The following SEPTIN9 variants were observed in gnomAD, a reference collection of about 807,000 sequenced individuals.
SEPTIN9 encodes septin 9, also known as septin-9.
A neutral mutation model predicts 56.6 loss-of-function variants in SEPTIN9; 13 were observed. The observed-to-expected ratio is 0.23, with a 90% CI of 0.15 to 0.37. SEPTIN9 has a LOEUF of 0.37. SEPTIN9 is among the 10% of genes least tolerant of loss of function. The probability of loss-of-function intolerance (pLI) is 1.00; values close to 1 mark genes in which losing one functional copy is unlikely to be tolerated. For missense variants in SEPTIN9, 650 were observed against 823.1 expected (o/e 0.79, Z 2.57); for synonymous variants, 332 against 334.1 (o/e 0.99, Z 0.07).
At chr17:77,332,936 T>C (rs192704783) in intron 2 of SEPTIN9, among the ~76,000 whole-genome samples, 1 of 152,362 alleles carries the variant, frequency 6.6e-6, no homozygotes, top group African/African-American at 2.4e-5. Context: ...CTGGTTCTTC[T>C]TGTACAAGTT....
intron 2 of SEPTIN9, among the ~76,000 whole-genome samples, chr17:77,372,559 A>G (rs1053706914): frequency 6.6e-6 from 1 of 152,190 alleles, no homozygotes; most frequent in African/African-American, 2.4e-5. Flanking sequence ...GCTCCTGACA[A>G]GGTCTACTTC....
intron 3 of SEPTIN9, among the ~76,000 whole-genome samples, chr17:77,444,279 G>C (rs2037654574): frequency 6.6e-6 from 1 of 152,234 alleles, no homozygotes; most frequent in South Asian, 2.1e-4. Context: ...TAAAGCGGGA[G>C]GGGTCCTCCA....
chr17:77,352,405 T>TCAAAAACAAAAACAAAAAAAAAA (rs1568009031), intron 2 of SEPTIN9, among the ~76,000 whole-genome samples: 5 of 147,432 alleles, frequency 3.4e-5, no homozygotes, highest in Non-Finnish European at 7.5e-5. Flanking sequence ...AGACTCCGTC[T>TCAAAAACAAAAACAAAAAAAAAA]CAAAAACAAA....
intron 3 of SEPTIN9, among the ~76,000 whole-genome samples, chr17:77,439,698 A>C (rs1415266187): frequency 6.6e-6 from 1 of 152,102 alleles, no homozygotes; most frequent in Non-Finnish European, 1.5e-5. Flanking sequence ...GCTTCATGGC[A>C]CTTTATGACC....
intron 2 of SEPTIN9, among the ~76,000 whole-genome samples, chr17:77,383,603 C>G (rs928096579): frequency 6.6e-6 from 1 of 152,190 alleles, no homozygotes; most frequent in African/African-American, 2.4e-5. Context: ...TGCCTCTGCC[C>G]CACTTCAGCC....
At chr17:77,361,341 G>A (rs1257006977) in intron 2 of SEPTIN9, among the ~76,000 whole-genome samples, 2 of 151,376 alleles carry the variant, frequency 1.3e-5, no homozygotes, top group African/African-American at 2.4e-5. Flanking sequence ...TCTCTGTCTG[G>A]GTGACCATCT....
chr17:77,295,784 C>T (rs1393899662), intron 1 of SEPTIN9, among the ~76,000 whole-genome samples: 2 of 151,694 alleles, frequency 1.3e-5, no homozygotes, highest in Non-Finnish European at 2.9e-5. Context: ...CAGCTGCCCC[C>T]ACCGCCCCCC....
chr17:77,297,388 T>G (rs1452296033), intron 1 of SEPTIN9, among the ~76,000 whole-genome samples: 1 of 152,146 alleles, frequency 6.6e-6, no homozygotes, highest in Admixed American at 6.5e-5. Flanking sequence ...GTGTCATCCA[T>G]ATTGAGGGAG....
intron 2 of SEPTIN9, among the ~76,000 whole-genome samples, chr17:77,368,343 G>C (rs1030120594): frequency 2.7e-5 from 4 of 148,832 alleles, no homozygotes; most frequent in African/African-American, 9.9e-5. Flanking sequence ...ACGGAGTCTC[G>C]CTCTGTCGCC....
In SEPTIN9 at chr17:77,402,837, A is replaced by C. The variant is rs2035950469; in HGVS notation, c.721+134A>C. The C allele has an allele frequency of 2.2e-5, 19 of 857,206 alleles. No homozygotes were observed. The highest frequency in any genetic ancestry group is 2.8e-5 in the Non-Finnish European group (16 of 575,094). The allele number at this position is 857,206 out of a possible 1,614,324, so 53.1% of individuals were successfully genotyped here. On this transcript the variant is annotated intron_variant, in intron 3 of 11. Coordinates refer to ENST00000427177, the MANE Select transcript of SEPTIN9 (RefSeq NM_001113491.2). This position sits in a 1 kb window ranked among gnomAD's most constrained non-coding sequence, Gnocchi z 6.6. ...ACCCTGGAGACCCAGAAAGACCGGAATGCATGGGGGTGGGGGTCTGCAAGC... is the reference window on the plus strand; with the variant it reads ...ACCCTGGAGACCCAGAAAGACCGGACTGCATGGGGGTGGGGGTCTGCAAGC...
At chr17:77,442,586 T>C (rs1199765287) in intron 3 of SEPTIN9, among the ~76,000 whole-genome samples, 3 of 150,470 alleles carry the variant, frequency 2.0e-5, no homozygotes, top group Non-Finnish European at 3.0e-5. Flanking sequence ...AAAGCACATA[T>C]TATGGGCCGG....
At chr17:77,335,088 C>A (rs1046068909) in intron 2 of SEPTIN9, among the ~76,000 whole-genome samples, 4 of 142,536 alleles carry the variant, frequency 2.8e-5, no homozygotes, top group Non-Finnish European at 6.1e-5. Flanking sequence ...ACATATCAGC[C>A]CTATATTGAC....
intron 2 of SEPTIN9, among the ~76,000 whole-genome samples, chr17:77,397,314 C>T (rs963322014): frequency 4.6e-5 from 7 of 152,168 alleles, no homozygotes; most frequent in East Asian, 3.8e-4. Context: ...GCTCTCATCA[C>T]GTAGCCCTCC....
chr17:77,423,694 G>C lies in SEPTIN9; in HGVS notation c.721+20991G>C, dbSNP rs58223092. Among the ~76,000 whole-genome samples, 447 of 152,360 alleles carry C rather than the reference G, an allele frequency of 2.9e-3. 1 individual carries two copies. The highest frequency in any genetic ancestry group is 9.9e-3 in the African/African-American group (411 of 41,592). On this transcript the variant is annotated intron_variant, in intron 3 of 11. Transcript: ENST00000427177. Reference sequence around the variant, plus strand: ...CGCTGAGCAATCCTCCACTGCCCCCGTCGCGTTCCTGCTGCAGGGAAGCCT... The same window carrying C: ...CGCTGAGCAATCCTCCACTGCCCCCCTCGCGTTCCTGCTGCAGGGAAGCCT...
chr17:77,322,170 G>A (rs2032962489), intron 2 of SEPTIN9, among the ~76,000 whole-genome samples: 2 of 152,356 alleles, frequency 1.3e-5, no homozygotes, highest in African/African-American at 4.8e-5. Flanking sequence ...TGAGAGCTGA[G>A]CAGAGAGGCG....
chr17:77,335,429 T>C (rs1419495671), intron 2 of SEPTIN9, among the ~76,000 whole-genome samples: 6 of 150,914 alleles, frequency 4.0e-5, no homozygotes, highest in African/African-American at 1.5e-4. Flanking sequence ...CATATATACA[T>C]GTAGGCCCCA....
intron 3 of SEPTIN9, among the ~76,000 whole-genome samples, chr17:77,473,719 G>C (rs566844475): frequency 1.3e-5 from 2 of 152,282 alleles, no homozygotes; most frequent in East Asian, 3.9e-4. Context: ...GGAAGTCTCG[G>C]CTAATAAACA....
chr17:77,494,085 T>TCTTGTCTTTGGACAAGGATG lies in SEPTIN9; in HGVS notation c.1573+1011_1573+1030dup, dbSNP rs545050116. Among the ~76,000 whole-genome samples, 686 of 152,306 alleles carry TCTTGTCTTTGGACAAGGATG rather than the reference T, an allele frequency of 4.5e-3. 2 individuals are homozygous for TCTTGTCTTTGGACAAGGATG. The highest frequency in any genetic ancestry group is 0.015 in the African/African-American group (630 of 41,568). ...AGCCACCGAGCCTGCCCTCTTTCCTTCTTGTCTTTGGACAAGGATGCCTGT... is the reference window on the plus strand; with the variant it reads ...AGCCACCGAGCCTGCCCTCTTTCCTTCTTGTCTTTGGACAAGGATGCTTGTCTTTGGACAAGGATGCCTGT... On this transcript the variant is annotated intron_variant, in intron 10 of 11. Coordinates refer to ENST00000427177, the MANE Select transcript of SEPTIN9 (RefSeq NM_001113491.2).
rs778696906 is a variant in SEPTIN9 at position 77,402,505 on chromosome 17, G to A, written c.523G>A (p.Val175Met). The stretch of plus-strand genomic sequence containing the variant: ...GCCCCCTGCCTCCAAGGTCCCCGAG[G>A]TGCCCACTGCCCCTGCCACCGACGC... ...MEPPASKVPE[V>M]PTAPATDAAP... is the part of the protein sequence containing the mutation. The change falls in exon 3 of 12, where the codon GTG (valine) becomes ATG (methionine). Residue 175 changes from valine (V) to methionine (M), a missense_variant. Transcript: ENST00000427177. This position sits in a 1 kb window ranked among gnomAD's most constrained non-coding sequence, Gnocchi z 6.6. 5.0e-6 allele frequency: 8 copies of A among 1,603,808 alleles called. No homozygotes were observed. The highest frequency in any genetic ancestry group is 6.8e-6 in the Non-Finnish European group (8 of 1,175,752).
Sources: gnomAD v4.1 joint callset for allele counts (sites outside exome capture counted in the v4.1 genomes callset) on GRCh38, gnomAD v4.1.1 for gene constraint, Gnocchi (gnomAD v3.1) non-coding constraint, MANE v1.5 for transcripts, NCBI Gene and HGNC (gene_info 2026-07-23, HGNC 2026-07-21) for gene names.